The following DNAH7 variants were observed in gnomAD, a reference collection of about 807,000 sequenced individuals.
DNAH7 encodes the protein dynein axonemal heavy chain 7, also known as axonemal beta dynein heavy chain 7.
Under a neutral mutation model 444.6 loss-of-function variants are expected in DNAH7, and 397 were observed. The observed-to-expected ratio is 0.89, with a 90% CI of 0.82 to 0.97. The LOEUF is 0.97. Among genes scored for constraint, DNAH7 ranks in the 50% least tolerant of loss-of-function variants. The pLI, the probability that DNAH7 is intolerant of heterozygous loss-of-function variation, is 0.00. For synonymous variants in DNAH7, 1,636 were observed against 1,624.4 expected (o/e 1.01, Z -0.17); for missense variants, 4,902 against 4,800.8 (o/e 1.02, Z -0.62).
At chr2:195,909,719 C>T (rs1687243480) in intron 25 of DNAH7, among the ~76,000 whole-genome samples, 1 of 152,146 alleles carries the variant, frequency 6.6e-6, no homozygotes. Context: ...TCTTTAGAAT[C>T]CCACGACCTT....
In DNAH7 at chr2:195,960,547, T is replaced by C. The variant is rs1410201015; in HGVS notation, c.2604A>G (p.Ser868=). 6.2e-7 allele frequency: 1 copy of C among 1,614,238 alleles called. No individual in the cohort carries two copies. Among genetic ancestry groups the C allele is most frequent in the Non-Finnish European group, 8.5e-7 (1 of 1,180,028 alleles). ...SAIVGYPLQP[S]DDSTVSSFLD... ...AAAAAGAGGAGACTGTGGAGTCATC[T>C]GATGGCTGCAAAGGGTAACCAACAA... is the stretch of plus-strand genomic sequence containing the variant. The change falls in exon 18 of 65, where the codon TCA becomes TCG. Residue 868 remains serine (S), a synonymous_variant. Transcript: ENST00000312428.
chr2:196,022,407 C>G (rs1462878680), intron 8 of DNAH7, among the ~76,000 whole-genome samples: 2 of 152,228 alleles, frequency 1.3e-5, no homozygotes, highest in African/African-American at 4.8e-5. Context: ...AATCAATCCT[C>G]TTGAACTCTG....
intron 35 of DNAH7, among the ~76,000 whole-genome samples, chr2:195,882,214 G>T (rs1052717507): frequency 1.3e-5 from 2 of 152,144 alleles, no homozygotes; most frequent in African/African-American, 4.8e-5. Context: ...CAATACTGTG[G>T]TTTTTTGATG....
At chr2:196,032,106 G>A (rs1244727176) in intron 5 of DNAH7, among the ~76,000 whole-genome samples, 1 of 152,146 alleles carries the variant, frequency 6.6e-6, no homozygotes. Context: ...ATGGCAGAAG[G>A]CAAAAGGCAC....
chr2:195,963,177 A>T (rs1057394717), intron 17 of DNAH7, among the ~76,000 whole-genome samples: 3 of 152,204 alleles, frequency 2.0e-5, no homozygotes, highest in Non-Finnish European at 4.4e-5. Flanking sequence ...TAGTTTTTTA[A>T]GGAAGCTGCA....
At chr2:196,008,707 A>C (rs1694536073) in intron 10 of DNAH7, among the ~76,000 whole-genome samples, 1 of 152,196 alleles carries the variant, frequency 6.6e-6, no homozygotes, top group African/African-American at 2.4e-5. Flanking sequence ...ACTGAGACGA[A>C]ATGTCCAGAG....
chr2:196,037,231 T>C (rs755390419), intron 5 of DNAH7, among the ~76,000 whole-genome samples: 4 of 152,024 alleles, frequency 2.6e-5, no homozygotes, highest in African/African-American at 4.8e-5. Flanking sequence ...AACATACTGA[T>C]ACATTCACAA....
In DNAH7 at chr2:195,855,995, C is replaced by A; in HGVS notation, c.8415-4G>T. On this transcript the variant is annotated splice_polypyrimidine_tract_variant and splice_region_variant and intron_variant, in intron 44 of 64. Transcript: ENST00000312428. ...GGGAGCTACTATTTTTGCCACTCTG[C>A]AAAAAGTAAAATTGAAAAATTAAAT... 6.2e-7 allele frequency: 1 copy of A among 1,601,088 alleles called. No homozygotes were observed. The highest frequency in any genetic ancestry group is 8.5e-7 in the Non-Finnish European group (1 of 1,175,386).
chr2:195,965,752 T>A (rs1258425891), intron 17 of DNAH7, among the ~76,000 whole-genome samples: 1 of 152,186 alleles, frequency 6.6e-6, no homozygotes, highest in African/African-American at 2.4e-5. Context: ...TTTATTGGCA[T>A]ACAGTTGCTC....
intron 50 of DNAH7, 143 bp from the exon 51 acceptor site, chr2:195,817,106 ATAAT>A: frequency 1.6e-6 from 1 of 624,690 alleles, no homozygotes; most frequent in Non-Finnish European, 2.7e-6. Flanking sequence ...GTGATGCCTT[ATAAT>A]TAATTTCTTA....
chr2:195,875,782 A>G lies in DNAH7; in HGVS notation c.6179T>C (p.Ile2060Thr), dbSNP rs1234008197. 8.7e-6 allele frequency: 14 copies of G among 1,613,720 alleles called. No individual in the cohort carries two copies. The highest frequency in any genetic ancestry group is 5.3e-5 in the African/African-American group (4 of 74,894). The change falls in exon 38 of 65, where the codon ATT becomes ACT. Residue 2060 changes from isoleucine (I) to threonine (T), a missense_variant. Transcript: ENST00000312428. The stretch of plus-strand genomic sequence containing the variant: ...GTCTAACCACTGTCTAAGTAACTCA[A>G]TGGGAGGTTGAGCCCCATATACCTC... ...AREVYGAQPPIELLRQWLDHW... is the reference protein window; with the variant it reads ...AREVYGAQPPTELLRQWLDHW...
chr2:195,852,891 T>TACACACACAC (rs4014237), intron 46 of DNAH7, among the ~76,000 whole-genome samples: 41 of 139,046 alleles, frequency 2.9e-4, no homozygotes, highest in African/African-American at 1.1e-3. Flanking sequence ...GCTGATGAAG[T>TACACACACAC]ACACACACAC....
chr2:195,950,851 C>CAAAAAAAAAAAAAA lies in DNAH7; in HGVS notation c.3078+6396_3078+6409dup, dbSNP rs67782183. The stretch of plus-strand genomic sequence containing the variant: ...TAGGCAACAGAGTGGGACTCTGTCT[C>CAAAAAAAAAAAAAA]AAAAAAAAAAAAAAAAAAAAAAAAA... On this transcript the variant is annotated intron_variant, in intron 19 of 64. Coordinates refer to ENST00000312428, the MANE Select transcript of DNAH7 (RefSeq NM_018897.3). Among the ~76,000 whole-genome samples, 6 of 36,714 alleles carry CAAAAAAAAAAAAAA rather than the reference C, an allele frequency of 1.6e-4. 1 individual carries two copies. The highest frequency in any genetic ancestry group is 5.6e-4 in the Admixed American group (1 of 1,784). The allele number at this position is 36,714 out of a possible 152,430, so 24.1% of individuals were successfully genotyped here. A position where few individuals can be genotyped will look rare whatever the true frequency, so the allele number is the denominator to read the frequency against.
rs538509343 is a variant in DNAH7 at position 195,913,994 on chromosome 2, G to A, written c.3936-3799C>T. ...CTCTCAAAGTGCTGAGATTACAGGCGCGAGCCACCGTGCCAAGTCGCAGAT... is the reference window on the plus strand; with the variant it reads ...CTCTCAAAGTGCTGAGATTACAGGCACGAGCCACCGTGCCAAGTCGCAGAT... On this transcript the variant is annotated intron_variant, in intron 24 of 64. Transcript: ENST00000312428. Among the ~76,000 whole-genome samples, 7 of 152,236 alleles carry A rather than the reference G, an allele frequency of 4.6e-5. No homozygotes were observed. The South Asian group carries it at 1.0e-3, about 23-fold the overall frequency.
intron 39 of DNAH7, among the ~76,000 whole-genome samples, chr2:195,872,857 G>T (rs534361926): frequency 5.3e-5 from 8 of 151,456 alleles, no homozygotes; most frequent in Non-Finnish European, 1.2e-4. Flanking sequence ...AATCCATAAG[G>T]AACACTGGTG....
intron 1 of DNAH7, chr2:196,063,320 A>C (rs1698238934): frequency 6.6e-6 from 1 of 152,240 alleles, no homozygotes; most frequent in African/African-American, 2.4e-5. Context: ...GAACTGCAGA[A>C]TGTTTCTAAC....
intron 8 of DNAH7, among the ~76,000 whole-genome samples, chr2:196,021,437 A>C (rs913643880): frequency 2.0e-5 from 3 of 152,166 alleles, no homozygotes; most frequent in Non-Finnish European, 4.4e-5. Context: ...TAAGCACGTC[A>C]CACAAATTTT....
chr2:195,778,618 G>GGAAAAAA (rs1365539221), intron 58 of DNAH7, among the ~76,000 whole-genome samples: 231 of 21,746 alleles, frequency 0.011, 22 homozygotes, highest in Middle Eastern at 0.045. Context: ...GACCCTGTCT[G>GGAAAAAA]AAAAAAAAAA....
intron 2 of DNAH7, among the ~76,000 whole-genome samples, chr2:196,054,404 C>T (rs1441452211): frequency 6.6e-6 from 1 of 151,958 alleles, no homozygotes; most frequent in Non-Finnish European, 1.5e-5. Context: ...TGCCTGTGGT[C>T]CCGGTTACTC....
Sources: allele counts gnomAD v4.1 joint callset (sites outside exome capture counted in the v4.1 genomes callset), GRCh38; gene constraint gnomAD v4.1.1; transcripts MANE v1.5; gene names NCBI Gene and HGNC (gene_info 2026-07-23, HGNC 2026-07-21).